The following EXOC3L4 variants were observed in gnomAD, a reference collection of about 807,000 sequenced individuals.
EXOC3L4 encodes the protein exocyst complex component 3 like 4.
In EXOC3L4, 62 loss-of-function variants were observed where a neutral mutation model predicts 69.7. The ratio of observed to expected loss-of-function variants is 0.89; its 90% CI spans 0.72 to 1.10. The LOEUF is 1.10. Ranked by LOEUF, EXOC3L4 falls within the 50% of genes least tolerant of loss-of-function variation. EXOC3L4 has a pLI of 0.00. For missense variants in EXOC3L4, 1,087 were observed against 1,034.8 expected (o/e 1.05, Z -0.69); for synonymous variants, 502 against 464.2 (o/e 1.08, Z -1.05).
At position 103,108,437 on chromosome 14, in the gene EXOC3L4, G is replaced by A. The variant is rs752275463; in HGVS notation, c.1896G>A (p.Val632=). 1.2e-6 allele frequency: 2 copies of A among 1,613,842 alleles called. No homozygotes were observed. The highest frequency in any genetic ancestry group is 1.7e-6 in the Non-Finnish European group (2 of 1,179,868). Residue 632 remains valine, a synonymous_variant, in exon 11 of 12, where the codon GTG becomes GTA. Transcript: ENST00000688303. ...ATWLDQAIQC[V]AEILGETYKD... ...GGTTGGACCAAGCCATCCAGTGCGTGGCTGAGATCCTGGGCGAGACCTACA... is the reference window on the plus strand; with the variant it reads ...GGTTGGACCAAGCCATCCAGTGCGTAGCTGAGATCCTGGGCGAGACCTACA...
chr14:103,107,334 G>A, intron 8 of EXOC3L4, 90 bp from the exon 9 acceptor site: 1 of 1,539,082 alleles, frequency 6.5e-7, no homozygotes. Context: ...CAGGAGGGAA[G>A]GGGTCAGGAG....
chr14:103,110,200 G>A lies in EXOC3L4; in HGVS notation c.2146G>A (p.Ala716Thr). The A allele has an allele frequency of 6.6e-7, 1 of 1,514,722 alleles. No individual in the cohort carries two copies. The highest frequency in any genetic ancestry group is 1.7e-4 in the Middle Eastern group (1 of 5,816). The allele number at this position is 1,514,722 out of a possible 1,614,324, so 93.8% of individuals were successfully genotyped here. A position where few individuals can be genotyped will look rare whatever the true frequency, so the allele number is the denominator to read the frequency against. The change falls in exon 12 of 12, where the codon GCT (alanine) becomes ACT (threonine). Residue 716 changes from alanine to threonine, a missense_variant. By Grantham distance (58) the Ala-to-Thr change is moderately conservative (BLOSUM62 0). Transcript: ENST00000688303. ...GGAGATCAAGGTGCCCAGTGCCATG[G>A]CTGTGCTGATCACCTGCGTCTAGTT... ...FEEIKVPSAMAVLITCV is the reference protein window; with the variant it reads ...FEEIKVPSAMTVLITCV
chr14:103,102,814 G>A (rs1451365777), intron 3 of EXOC3L4, 42 bp downstream of exon 3: 2 of 1,310,458 alleles, frequency 1.5e-6, no homozygotes, highest in Non-Finnish European at 1.9e-6. Flanking sequence ...GACAGCTGCC[G>A]CTTCCTCCGC....
Position 103,102,598 on chromosome 14 carries a change from A to G in EXOC3L4, c.875A>G (p.Lys292Arg). The change falls in exon 3 of 12, where the codon AAG (lysine) becomes AGG (arginine). Residue 292 changes from lysine (K) to arginine (R), a missense_variant. Coordinates refer to ENST00000688303, the MANE Select transcript of EXOC3L4 (RefSeq NM_001077594.2). ...LGGLVRRDLQKVRQEVQPAYA... is the reference protein window; with the variant it reads ...LGGLVRRDLQRVRQEVQPAYA... ...GGCTTGGTTCGCCGCGACCTGCAGA[A>G]GGTGCGGCAGGAGGTGCAGCCCGCG... The G allele has an allele frequency of 6.7e-7, 1 of 1,484,778 alleles. No homozygotes were observed. 92.0% of individuals were successfully genotyped at this position (1,484,778 alleles called of 1,614,324 possible).
At chr14:103,103,059 G>A (rs1026830110) in intron 3 of EXOC3L4, among the ~76,000 whole-genome samples, 1 of 152,180 alleles carries the variant, frequency 6.6e-6, no homozygotes, top group Non-Finnish European at 1.5e-5. Context: ...GTGCCTTTGG[G>A]CGCATCAGAA....
chr14:103,110,462 C>T lies in EXOC3L4; in HGVS notation c.*239C>T, dbSNP rs774805191. 2.3e-5 allele frequency: 13 copies of T among 554,184 alleles called. No homozygotes were observed. The highest frequency in any genetic ancestry group is 1.1e-4 in the Admixed American group (4 of 37,462). 34.3% of individuals were successfully genotyped at this position (554,184 alleles called of 1,614,324 possible). On this transcript the variant is annotated 3_prime_UTR_variant, in exon 12 of 12. Transcript: ENST00000688303. ...CCGCAGAGCTCTCAATGCTGCCTAT[C>T]GGGCGGGGGGGGGCCTCCCGCCCGA... is the stretch of plus-strand genomic sequence containing the variant.
At position 103,102,441 on chromosome 14, in the gene EXOC3L4, C is replaced by G; in HGVS notation, c.718C>G (p.Arg240Gly). 1 of 1,508,346 alleles carries G rather than the reference C, an allele frequency of 6.6e-7. No individual in the cohort carries two copies. 93.4% of individuals were successfully genotyped at this position (1,508,346 alleles called of 1,614,324 possible). ...CGGCGACTTCCTGCGCACGCCGCGC[C>G]GCTGGCGCCAGCACTGGGAGGAGGC... The part of the protein sequence containing the change: ...DDGDFLRTPR[R>G]WRQHWEEAVR... Residue 240 changes from arginine (R) to glycine (G), a missense_variant, in exon 3 of 12, where the codon CGC becomes GGC. Transcript: ENST00000688303.
chr14:103,106,598 C>T (rs1010121930), intron 7 of EXOC3L4, among the ~76,000 whole-genome samples, 187 bp from the exon 8 acceptor site: 2 of 152,194 alleles, frequency 1.3e-5, no homozygotes, highest in Non-Finnish European at 2.9e-5. Flanking sequence ...TGACCCACCC[C>T]TTTGTGACTG....
Position 103,110,086 on chromosome 14 carries a change from C to A in EXOC3L4, c.2032C>A (p.Gln678Lys). Residue 678 changes from glutamine (Q) to lysine (K), a missense_variant, in exon 12 of 12, where the codon CAG (glutamine) becomes AAG (lysine). Physicochemically the swap from Gln to Lys is moderately conservative, Grantham distance 53 (BLOSUM62 1). Transcript: ENST00000688303. ...GCGCCGACTGGGCCGCCAGCGGAAC[C>A]AGCATCTCTTGCAGCACACTCAAGA... ...ALRRLGRQRNQHLLQHTQDLL... is the reference protein window; with the variant it reads ...ALRRLGRQRNKHLLQHTQDLL... 6.3e-7 allele frequency: 1 copy of A among 1,598,042 alleles called. No homozygotes were observed. The highest frequency in any genetic ancestry group is 8.5e-7 in the Non-Finnish European group (1 of 1,173,050).
Position 103,110,075 on chromosome 14 carries a change from G to T in EXOC3L4, c.2021G>T (p.Arg674Leu). 1 of 1,600,538 alleles carries T rather than the reference G, an allele frequency of 6.2e-7. No individual in the cohort carries two copies. The highest frequency in any genetic ancestry group is 8.5e-7 in the Non-Finnish European group (1 of 1,174,392). ...LAILALRRLG[R>L]QRNQHLLQHT... ...ATTCTGGCGCTGCGCCGACTGGGCC[G>T]CCAGCGGAACCAGCATCTCTTGCAG... is the stretch of plus-strand genomic sequence containing the variant. Residue 674 changes from arginine (R) to leucine (L), a missense_variant, in exon 12 of 12, where the codon CGC (arginine) becomes CTC (leucine). By Grantham distance (102) the Arg-to-Leu change is moderately radical (BLOSUM62 -2). Coordinates refer to ENST00000688303, the MANE Select transcript of EXOC3L4 (RefSeq NM_001077594.2).
chr14:103,102,332 C>T lies in EXOC3L4; in HGVS notation c.609C>T (p.Ser203=). Residue 203 remains serine, a synonymous_variant, in exon 3 of 12, where the codon AGC becomes AGT. Transcript: ENST00000688303. ...IGAIVRETLD[S]DGVDAAALAE... is the part of the protein sequence containing the mutation. ...CCATCGTGCGCGAGACGCTGGACAG[C>T]GACGGTGTGGACGCGGCCGCGCTGG... The T allele has an allele frequency of 1.3e-6, 2 of 1,564,576 alleles. No individual in the cohort carries two copies. The highest frequency in any genetic ancestry group is 1.8e-5 in the Admixed American group (1 of 55,206).
At chr14:103,103,797 CGTGTGTGTGT>C (rs56147384) in intron 3 of EXOC3L4, 134 bp from the exon 4 acceptor site, 101 of 433,722 alleles carry the variant, frequency 2.3e-4, no homozygotes, top group African/African-American at 1.3e-3. Context: ...GGCGCGCGCG[CGTGTGTGTGT>C]GTGTGTGTGT....
At chr14:103,103,367 AAAAAG>A (rs1555403226) in intron 3 of EXOC3L4, among the ~76,000 whole-genome samples, 2 of 149,740 alleles carry the variant, frequency 1.3e-5, no homozygotes, top group Admixed American at 6.6e-5. Flanking sequence ...AAAAAAAAAA[AAAAAG>A]AAAGAAAGAA....
chr14:103,108,250 G>T, intron 10 of EXOC3L4, 146 bp from the exon 11 acceptor site: 1 of 1,251,608 alleles, frequency 8.0e-7, no homozygotes, highest in South Asian at 1.4e-5. Flanking sequence ...TGTTTTGGGG[G>T]AGGCAGTCCC....
Position 103,102,390 on chromosome 14 carries a change from GA to G in EXOC3L4, c.669del (p.Ala224ProfsTer211). 1 of 1,555,034 alleles carries G rather than the reference GA, an allele frequency of 6.4e-7. No homozygotes were observed. Among genetic ancestry groups the G allele is most frequent in the South Asian group, 1.2e-5 (1 of 85,990 alleles). On this transcript the variant is annotated frameshift_variant, in exon 3 of 12. Transcript: ENST00000688303. LOFTEE classifies it high-confidence loss of function. ...ELARVVSAEE[E>X]AHPSPPDDGD... is the part of the protein sequence containing the mutation. The stretch of plus-strand genomic sequence containing the variant: ...GGCCCGCGTGGTGAGCGCGGAGGAG[GA>G]AGCCCACCCTTCTCCCCCCGACGAC...
chr14:103,099,623 G>T (rs929132087), intron 1 of EXOC3L4, among the ~76,000 whole-genome samples: 24 of 152,184 alleles, frequency 1.6e-4, no homozygotes, highest in Admixed American at 4.6e-4. Context: ...CACCTCCTCG[G>T]CGGGCTCTGT....
At position 103,110,017 on chromosome 14, in the gene EXOC3L4, G is replaced by C. The variant is rs750598149; in HGVS notation, c.1977-14G>C. ...AGGTGTAGGTCTGCAGTGAGTGCCCGCATGTCTCTGCAGGCGGGACCACAT... is the reference window on the plus strand; with the variant it reads ...AGGTGTAGGTCTGCAGTGAGTGCCCCCATGTCTCTGCAGGCGGGACCACAT... On this transcript the variant is annotated splice_polypyrimidine_tract_variant and intron_variant, in intron 11 of 11. Coordinates refer to ENST00000688303, the MANE Select transcript of EXOC3L4 (RefSeq NM_001077594.2). 2 of 1,579,358 alleles carry C rather than the reference G, an allele frequency of 1.3e-6. No homozygotes were observed. Among genetic ancestry groups the C allele is most frequent in the African/African-American group, 1.3e-5 (1 of 74,162 alleles).
chr14:103,105,208 G>A, intron 7 of EXOC3L4, 136 bp downstream of exon 7: 4 of 879,760 alleles, frequency 4.5e-6, no homozygotes, highest in Non-Finnish European at 6.8e-6. Flanking sequence ...TTGTGTCTGT[G>A]TGTTGGTGGA....
At chr14:103,104,507 C>T (rs1266316005) in intron 5 of EXOC3L4, 118 bp downstream of exon 5, 32 of 1,376,164 alleles carry the variant, frequency 2.3e-5, no homozygotes, top group Admixed American at 3.3e-5. Context: ...AGATGGGAGC[C>T]TGAGGCCCCA....
Sources: gnomAD v4.1 joint callset for allele counts (sites outside exome capture counted in the v4.1 genomes callset) on GRCh38, gnomAD v4.1.1 for gene constraint, MANE v1.5 for transcripts, NCBI Gene and HGNC (gene_info 2026-07-23, HGNC 2026-07-21) for gene names.